ELMO1: variants seen among roughly 807,000 people sequenced by gnomAD.
The protein encoded by ELMO1 is engulfment and cell motility protein 1.
In ELMO1, 26 loss-of-function variants were observed where a neutral mutation model predicts 98.9. That is an observed-to-expected ratio of 0.26 (90% CI 0.19 to 0.36). The LOEUF is 0.36. Ranked by LOEUF, ELMO1 falls within the 10% of genes least tolerant of loss-of-function variation. The pLI, the probability that ELMO1 is intolerant of heterozygous loss-of-function variation, is 1.00. For missense variants in ELMO1, 627 were observed against 935.2 expected (o/e 0.67, Z 4.30); for synonymous variants, 346 against 346.0 (o/e 1.00, Z 0.00).
chr7:36,946,812 G>C (rs1787531754), intron 16 of ELMO1, among the ~76,000 whole-genome samples: 1 of 152,140 alleles, frequency 6.6e-6, no homozygotes, highest in Non-Finnish European at 1.5e-5. Flanking sequence ...TCCTCGGTGA[G>C]ATCATCTATT....
At chr7:37,145,046 A>G (rs1220060958) in intron 13 of ELMO1, among the ~76,000 whole-genome samples, 1 of 152,188 alleles carries the variant, frequency 6.6e-6, no homozygotes, top group East Asian at 1.9e-4. Flanking sequence ...CCTGGTGGAG[A>G]GTAGCAGTGC....
rs540462877 is a variant in ELMO1 at position 37,162,443 on chromosome 7, T to C, written c.1087-29209A>G. Among the ~76,000 whole-genome samples, 6 of 152,222 alleles carry C rather than the reference T, an allele frequency of 3.9e-5. No individual in the cohort carries two copies. The East Asian group carries it at 5.8e-4, about 15-fold the overall frequency. On this transcript the variant is annotated intron_variant, in intron 13 of 21. Coordinates refer to ENST00000310758, the MANE Select transcript of ELMO1 (RefSeq NM_014800.11). ...CATTTGCTAATCACATCCGAGTCAC[T>C]TGATGAAGTCTAAGTCATGCACAGG... is the stretch of plus-strand genomic sequence containing the variant.
At chr7:37,235,725 G>A (rs1794424098) in intron 7 of ELMO1, among the ~76,000 whole-genome samples, 1 of 152,226 alleles carries the variant, frequency 6.6e-6, no homozygotes, top group Non-Finnish European at 1.5e-5. Flanking sequence ...CTGAGGTCAG[G>A]AGTTCGAGAG....
At chr7:37,423,152 A>T (rs1804552536) in intron 1 of ELMO1, among the ~76,000 whole-genome samples, 1 of 152,256 alleles carries the variant, frequency 6.6e-6, no homozygotes, top group Non-Finnish European at 1.5e-5. Context: ...AGGGAAAAAC[A>T]TGGCACAATT....
intron 2 of ELMO1, among the ~76,000 whole-genome samples, chr7:37,319,689 G>A (rs1799379521): frequency 6.6e-6 from 1 of 152,130 alleles, no homozygotes; most frequent in African/African-American, 2.4e-5. Flanking sequence ...TAGCGAACTT[G>A]TCCTTGTCTT....
chr7:37,140,377 C>T (rs1247482923), intron 13 of ELMO1, among the ~76,000 whole-genome samples: 33 of 151,224 alleles, frequency 2.2e-4, no homozygotes, highest in Non-Finnish European at 4.4e-5. Flanking sequence ...CAGAGTGAGA[C>T]TCCGTCTCAA....
intron 16 of ELMO1, among the ~76,000 whole-genome samples, chr7:36,952,100 G>C (rs915750424): frequency 3.3e-5 from 5 of 152,202 alleles, no homozygotes; most frequent in African/African-American, 1.2e-4. Flanking sequence ...TGATGAACAG[G>C]TGCATCCCAC....
At chr7:37,038,598 A>C (rs1795324176) in intron 15 of ELMO1, among the ~76,000 whole-genome samples, 1 of 152,224 alleles carries the variant, frequency 6.6e-6, no homozygotes, top group Admixed American at 6.5e-5. Context: ...CCTGGAAATG[A>C]AAAGGTATGA....
intron 4 of ELMO1, among the ~76,000 whole-genome samples, chr7:37,288,182 A>T (rs1037851819): frequency 7.5e-5 from 11 of 146,956 alleles, no homozygotes. Context: ...TGGGTCTCAA[A>T]CTCCTGACCT....
At chr7:37,335,893 C>A (rs1016114253) in intron 2 of ELMO1, among the ~76,000 whole-genome samples, 1 of 152,136 alleles carries the variant, frequency 6.6e-6, no homozygotes, top group Non-Finnish European at 1.5e-5. Context: ...TGTCTCCTAG[C>A]ACAAATAGGA....
At chr7:36,974,599 C>T (rs1790336867) in intron 16 of ELMO1, among the ~76,000 whole-genome samples, 1 of 150,918 alleles carries the variant, frequency 6.6e-6, no homozygotes, top group South Asian at 2.1e-4. Flanking sequence ...CAATCAGCGC[C>T]CTGTCAAAAC....
intron 14 of ELMO1, among the ~76,000 whole-genome samples, chr7:37,127,650 A>C (rs1031568311): frequency 6.6e-6 from 1 of 152,232 alleles, no homozygotes; most frequent in Non-Finnish European, 1.5e-5. Flanking sequence ...CCAAACGGGA[A>C]GGTGAATATT....
Position 37,021,959 on chromosome 7 carries a change from G to C in ELMO1, c.1301-8524C>G, listed in dbSNP as rs11973641. On this transcript the variant is annotated intron_variant, in intron 15 of 21. Transcript: ENST00000310758. ...ACAATAGAACAGAATAGGGAGTCCA[G>C]AGACCCATATATACAGTCACTGGAT... Among the ~76,000 whole-genome samples, 1,111 of 152,284 alleles carry C rather than the reference G, an allele frequency of 7.3e-3. 14 individuals carry two copies. The highest frequency in any genetic ancestry group is 0.025 in the African/African-American group (1,056 of 41,550).
At chr7:37,322,624 A>G (rs1383324269) in intron 2 of ELMO1, among the ~76,000 whole-genome samples, 3 of 146,314 alleles carry the variant, frequency 2.1e-5, no homozygotes, top group African/African-American at 7.5e-5. Context: ...TCTCTCTCCA[A>G]AAAAAAAAAA....
intron 1 of ELMO1, among the ~76,000 whole-genome samples, chr7:37,397,929 T>C (rs1434539635): frequency 1.3e-5 from 2 of 152,134 alleles, no homozygotes; most frequent in Non-Finnish European, 2.9e-5. Flanking sequence ...ATATTCTCAC[T>C]TATAAGTGGG....
intron 14 of ELMO1, among the ~76,000 whole-genome samples, chr7:37,101,709 T>C (rs751112703): frequency 9.9e-5 from 15 of 151,714 alleles, no homozygotes; most frequent in Non-Finnish European, 5.9e-5. Context: ...GGTGCATTCC[T>C]GGATGTGCTT....
At chr7:37,219,839 A>C (rs539561188) in intron 10 of ELMO1, among the ~76,000 whole-genome samples, 1 of 152,390 alleles carries the variant, frequency 6.6e-6, no homozygotes, top group South Asian at 2.1e-4. Flanking sequence ...TGTAATATAA[A>C]ACACTGAACA....
chr7:37,148,195 T>C (rs2129315850), intron 13 of ELMO1, among the ~76,000 whole-genome samples: 1 of 152,288 alleles, frequency 6.6e-6, no homozygotes, highest in African/African-American at 2.4e-5. Context: ...AAATGATACA[T>C]TTCATCCAAA....
chr7:37,023,890 T>A (rs1219370373), intron 15 of ELMO1, among the ~76,000 whole-genome samples: 2 of 152,158 alleles, frequency 1.3e-5, no homozygotes, highest in African/African-American at 4.8e-5. Context: ...TGAATGCATT[T>A]TCTTTCGTGA....
Sources: allele counts gnomAD v4.1 joint callset (sites outside exome capture counted in the v4.1 genomes callset), GRCh38; gene constraint gnomAD v4.1.1; transcripts MANE v1.5; gene names NCBI Gene and HGNC (gene_info 2026-07-23, HGNC 2026-07-21).